Variants in ACSS3 observed in about 807,000 individuals in gnomAD.
ACSS3 encodes the protein acyl-CoA synthetase short chain family member 3.
In ACSS3, 64 loss-of-function variants were observed where a neutral mutation model predicts 84.2. That is an observed-to-expected ratio of 0.76 (90% CI 0.62 to 0.94). ACSS3 has a LOEUF of 0.94. Ranked by LOEUF, ACSS3 falls within the 40% of genes least tolerant of loss-of-function variation. The pLI, the probability that ACSS3 is intolerant of heterozygous loss-of-function variation, is 0.00. For synonymous variants in ACSS3, 317 were observed against 310.1 expected (o/e 1.02, Z -0.23); for missense variants, 815 against 867.6 (o/e 0.94, Z 0.76).
intron 7 of ACSS3, among the ~76,000 whole-genome samples, chr12:81,163,553 A>G (rs1034019750): frequency 5.9e-5 from 9 of 152,214 alleles, no homozygotes; most frequent in Non-Finnish European, 1.2e-4. Flanking sequence ...ATATTAAAAA[A>G]GGTTAACTCT....
At chr12:81,244,063 G>T (rs1050503128) in intron 13 of ACSS3, among the ~76,000 whole-genome samples, 1 of 151,942 alleles carries the variant, frequency 6.6e-6, no homozygotes, top group Non-Finnish European at 1.5e-5. Context: ...GTCTAAAAAA[G>T]TCTTTATTTC....
chr12:81,197,622 CCT>C (rs1408981137), intron 8 of ACSS3, among the ~76,000 whole-genome samples: 2 of 152,076 alleles, frequency 1.3e-5, no homozygotes, highest in Non-Finnish European at 2.9e-5. Context: ...CTCCTCTTTC[CCT>C]CTGTGTCTTT....
At chr12:81,109,095 A>G (rs1396917752) in intron 1 of ACSS3, among the ~76,000 whole-genome samples, 1 of 152,212 alleles carries the variant, frequency 6.6e-6, no homozygotes, top group East Asian at 1.9e-4. Context: ...GAAATAAAAA[A>G]TACTTATAGC....
intron 7 of ACSS3, among the ~76,000 whole-genome samples, chr12:81,173,127 G>A (rs148338295): frequency 1.3e-5 from 2 of 152,320 alleles, no homozygotes; most frequent in Non-Finnish European, 2.9e-5. Flanking sequence ...ACTGATCAGT[G>A]CCTGAGACAT....
chr12:81,165,309 C>T (rs2135793874), intron 7 of ACSS3, among the ~76,000 whole-genome samples: 1 of 152,220 alleles, frequency 6.6e-6, no homozygotes, highest in Admixed American at 6.5e-5. Context: ...ATATGGCCTT[C>T]CACCAAAGGC....
At chr12:81,226,986 CACACAT>C (rs1348324481) in intron 11 of ACSS3, among the ~76,000 whole-genome samples, 1 of 151,370 alleles carries the variant, frequency 6.6e-6, no homozygotes, top group African/African-American at 2.4e-5. Context: ...CACACACACA[CACACAT>C]ATATATATAC....
intron 7 of ACSS3, among the ~76,000 whole-genome samples, chr12:81,155,609 C>G (rs1886824489): frequency 6.6e-6 from 1 of 152,228 alleles, no homozygotes; most frequent in Non-Finnish European, 1.5e-5. Context: ...CCTTGCATCT[C>G]ACACTCTGCT....
intron 2 of ACSS3, among the ~76,000 whole-genome samples, chr12:81,125,096 C>A (rs1009525382): frequency 6.6e-6 from 1 of 152,178 alleles, no homozygotes; most frequent in Non-Finnish European, 1.5e-5. Flanking sequence ...CGCCTGTAGT[C>A]CCAGCTACTC....
Position 81,116,414 on chromosome 12 carries a change from A to G in ACSS3, c.456+6710A>G, listed in dbSNP as rs543479117. On this transcript the variant is annotated intron_variant, in intron 2 of 15. Transcript: ENST00000548058. ...ATTTCATACTCAATCCAAAAGAGCA[A>G]CAATACAACCAATCCCTTGAATATT... Among the ~76,000 whole-genome samples the G allele has an allele frequency of 3.9e-5, 6 of 152,278 alleles. No individual in the cohort carries two copies. The East Asian group carries it at 5.8e-4, about 15-fold the overall frequency.
Position 81,136,599 on chromosome 12 carries a change from G to A in ACSS3, c.645+1595G>A, listed in dbSNP as rs140354240. Among the ~76,000 whole-genome samples, 161 of 152,154 alleles carry A rather than the reference G, an allele frequency of 1.1e-3. 1 individual carries two copies. Among genetic ancestry groups the A allele is most frequent in the African/African-American group, 3.7e-3 (155 of 41,524 alleles). On this transcript the variant is annotated intron_variant, in intron 3 of 15. Transcript: ENST00000548058. ...GAATGACATAGTAGGATCCAAAAAG[G>A]CAGAAAAAGAATCTGAGTCAAGCAG...
intron 13 of ACSS3, among the ~76,000 whole-genome samples, chr12:81,240,427 T>C (rs1333948919): frequency 3.9e-5 from 6 of 152,054 alleles, no homozygotes; most frequent in Non-Finnish European, 7.4e-5. Context: ...TTAATCTATA[T>C]GTATTGTTAT....
intron 13 of ACSS3, among the ~76,000 whole-genome samples, chr12:81,252,377 C>T (rs905921584): frequency 2.6e-5 from 4 of 151,956 alleles, no homozygotes; most frequent in South Asian, 4.1e-4. Flanking sequence ...CTGAACCCAG[C>T]GAATGTTTGC....
At chr12:81,118,520 G>C (rs1009440466) in intron 2 of ACSS3, among the ~76,000 whole-genome samples, 13 of 152,170 alleles carry the variant, frequency 8.5e-5, no homozygotes, top group African/African-American at 3.1e-4. Context: ...TCAGCTGCTA[G>C]GAAGGCTGGA....
intron 4 of ACSS3, among the ~76,000 whole-genome samples, chr12:81,142,391 A>G (rs551522099): frequency 6.6e-6 from 1 of 152,180 alleles, no homozygotes; most frequent in Non-Finnish European, 1.5e-5. Flanking sequence ...CTTTTCACCC[A>G]TCTGGCCATT....
intron 2 of ACSS3, among the ~76,000 whole-genome samples, chr12:81,129,984 C>T (rs929820930): frequency 6.6e-6 from 1 of 152,090 alleles, no homozygotes; most frequent in Non-Finnish European, 1.5e-5. Context: ...CATAGTATTC[C>T]GTGGTGTATA....
chr12:81,099,694 G>A (rs1882349371), intron 1 of ACSS3, among the ~76,000 whole-genome samples: 1 of 151,968 alleles, frequency 6.6e-6, no homozygotes, highest in East Asian at 1.9e-4. Context: ...CTGAAAAATG[G>A]CTATCATTCA....
chr12:81,226,252 T>C (rs979791585), intron 11 of ACSS3, among the ~76,000 whole-genome samples: 4 of 151,958 alleles, frequency 2.6e-5, no homozygotes, highest in Non-Finnish European at 5.9e-5. Context: ...AAAACTGTAT[T>C]CTAGTGGCTT....
At chr12:81,250,006 A>C (rs566221006) in intron 13 of ACSS3, among the ~76,000 whole-genome samples, 51 of 152,236 alleles carry the variant, frequency 3.4e-4, no homozygotes, top group African/African-American at 1.2e-3. Flanking sequence ...TCCTAATCTC[A>C]TAACATTTAT....
chr12:81,181,968 G>A (rs2030967963), intron 8 of ACSS3, among the ~76,000 whole-genome samples: 1 of 152,134 alleles, frequency 6.6e-6, no homozygotes, highest in Non-Finnish European at 1.5e-5. Context: ...GGAAGAGACA[G>A]AGAAAGGGAC....
Sources: gnomAD v4.1 joint callset for allele counts (sites outside exome capture counted in the v4.1 genomes callset) on GRCh38, gnomAD v4.1.1 for gene constraint, MANE v1.5 for transcripts, NCBI Gene and HGNC (gene_info 2026-07-23, HGNC 2026-07-21) for gene names.